Variants in LAMA2 observed in about 807,000 individuals in gnomAD.
LAMA2 encodes laminin subunit alpha-2.
LAMA2 carries 269 observed loss-of-function variants against 364.8 expected under a neutral mutation model. The ratio of observed to expected loss-of-function variants is 0.74; its 90% CI spans 0.67 to 0.82. The LOEUF (loss-of-function observed/expected upper bound fraction) is 0.82. Ranked by LOEUF, LAMA2 falls within the 40% of genes least tolerant of loss-of-function variation. The probability of loss-of-function intolerance (pLI) is 0.00; values close to 1 mark genes in which losing one functional copy is unlikely to be tolerated. For missense variants in LAMA2, 3,807 were observed against 3,873.2 expected (o/e 0.98, Z 0.45); for synonymous variants, 1,379 against 1,370.6 (o/e 1.01, Z -0.14).
chr6:129,303,668 C>G (rs1308555779), intron 22 of LAMA2, among the ~76,000 whole-genome samples: 3 of 152,102 alleles, frequency 2.0e-5, no homozygotes, highest in African/African-American at 7.2e-5. Flanking sequence ...ATTGAGATGA[C>G]CATATGATAT....
At chr6:129,107,222 T>C (rs867081416) in intron 4 of LAMA2, among the ~76,000 whole-genome samples, 24 of 152,312 alleles carry the variant, frequency 1.6e-4, no homozygotes, top group Middle Eastern at 3.4e-3. Context: ...CCATCTAATA[T>C]GTGCCCCAGC....
intron 22 of LAMA2, among the ~76,000 whole-genome samples, chr6:129,304,420 C>G (rs1210443349): frequency 6.6e-6 from 1 of 152,052 alleles, no homozygotes; most frequent in Non-Finnish European, 1.5e-5. Context: ...CCCGCCACTA[C>G]GCCCGGCTAA....
intron 64 of LAMA2, 39 bp downstream of exon 64, chr6:129,514,634 C>CT: frequency 6.8e-7 from 1 of 1,464,550 alleles, no homozygotes; most frequent in Non-Finnish European, 9.6e-7. Flanking sequence ...TCTTTGCTCT[C>CT]TTATGTTACT....
chr6:129,311,481 T>C (rs1035217887), intron 22 of LAMA2, among the ~76,000 whole-genome samples: 2 of 152,054 alleles, frequency 1.3e-5, no homozygotes, highest in Non-Finnish European at 2.9e-5. Context: ...ACTTATTGGG[T>C]CCTTCCAAGG....
intron 1 of LAMA2, among the ~76,000 whole-genome samples, chr6:128,942,739 G>T (rs549792523): frequency 2.0e-5 from 3 of 152,140 alleles, no homozygotes; most frequent in East Asian, 1.9e-4. Context: ...AATCACTTAC[G>T]TATTTAATCT....
chr6:129,166,132 A>C (rs1583169987), intron 9 of LAMA2, among the ~76,000 whole-genome samples: 1 of 152,314 alleles, frequency 6.6e-6, no homozygotes. Context: ...TATAGAAAGC[A>C]AGAAGTGTTC....
At chr6:128,950,424 G>C (rs1221808112) in intron 1 of LAMA2, among the ~76,000 whole-genome samples, 1 of 152,174 alleles carries the variant, frequency 6.6e-6, no homozygotes, top group Admixed American at 6.6e-5. Flanking sequence ...CAGCATGGAA[G>C]ATGGGTGAGG....
intron 17 of LAMA2, among the ~76,000 whole-genome samples, chr6:129,276,043 G>C (rs1275637398): frequency 6.6e-6 from 1 of 152,058 alleles, no homozygotes; most frequent in Non-Finnish European, 1.5e-5. Flanking sequence ...AACTGAAGAA[G>C]AAAATACTTA....
intron 5 of LAMA2, among the ~76,000 whole-genome samples, chr6:129,145,561 ATGTC>A (rs1562274701): frequency 1.3e-5 from 2 of 151,996 alleles, no homozygotes; most frequent in African/African-American, 4.8e-5. Flanking sequence ...TCTTGACAGT[ATGTC>A]TATCAGAGAA....
intron 1 of LAMA2, among the ~76,000 whole-genome samples, chr6:129,041,126 C>T (rs1317111867): frequency 6.6e-6 from 1 of 152,194 alleles, no homozygotes; most frequent in Non-Finnish European, 1.5e-5. Flanking sequence ...CTTCTTTGAA[C>T]TAAATTCTTC....
rs977579774 is a variant in LAMA2 at position 128,937,613 on chromosome 6, A to T, written c.112+54256A>T. ...ATAATTGTTCATAGCAGTCTCTATG[A>T]TCCTTTTTTATTTCTGTTGCAATGT... is the stretch of plus-strand genomic sequence containing the variant. On this transcript the variant is annotated intron_variant, in intron 1 of 64. Transcript: ENST00000421865. Among the ~76,000 whole-genome samples the T allele has an allele frequency of 3.3e-5, 5 of 151,852 alleles. No homozygotes were observed. In the South Asian group the frequency reaches 8.3e-4, roughly 25 times the overall value.
At chr6:128,955,977 A>G (rs988060158) in intron 1 of LAMA2, among the ~76,000 whole-genome samples, 1 of 151,988 alleles carries the variant, frequency 6.6e-6, no homozygotes, top group African/African-American at 2.4e-5. Flanking sequence ...AAATAAAGAC[A>G]GCTGATCAAA....
intron 1 of LAMA2, among the ~76,000 whole-genome samples, chr6:128,898,700 G>A (rs1165481720): frequency 6.6e-6 from 1 of 152,162 alleles, no homozygotes; most frequent in Non-Finnish European, 1.5e-5. Context: ...TAGTAAATCA[G>A]ATTAGATCTT....
chr6:129,255,405 CAAAAAAAAAAAAAAA>C (rs5879934), intron 14 of LAMA2, among the ~76,000 whole-genome samples: 58 of 33,834 alleles, frequency 1.7e-3, no homozygotes, highest in African/African-American at 5.3e-3. Context: ...GACTCTGTCT[CAAAAAAAAAAAAAAA>C]AAAAAAAAAA....
At chr6:129,042,016 T>C (rs201122556) in intron 1 of LAMA2, among the ~76,000 whole-genome samples, 1 of 88,518 alleles carries the variant, frequency 1.1e-5, no homozygotes, top group Non-Finnish European at 2.4e-5. Context: ...AAAAAAAAAA[T>C]AGTTAATGCC....
chr6:129,090,346 A>C (rs550913952), intron 3 of LAMA2, among the ~76,000 whole-genome samples: 1 of 152,172 alleles, frequency 6.6e-6, no homozygotes. Flanking sequence ...GTATCTCTGA[A>C]GGATAAGACT....
At chr6:129,025,835 C>A (rs530408355) in intron 1 of LAMA2, among the ~76,000 whole-genome samples, 1 of 152,208 alleles carries the variant, frequency 6.6e-6, no homozygotes, top group South Asian at 2.1e-4. Flanking sequence ...ATAGTGATTT[C>A]TTTTTGGTGG....
At chr6:128,963,107 G>A (rs373555975) in intron 1 of LAMA2, among the ~76,000 whole-genome samples, 2 of 152,170 alleles carry the variant, frequency 1.3e-5, no homozygotes, top group East Asian at 1.9e-4. Context: ...CTTCTGGTAC[G>A]GTTCTTTCAC....
chr6:129,042,342 A>G (rs1013485619), intron 1 of LAMA2, among the ~76,000 whole-genome samples: 8 of 152,266 alleles, frequency 5.3e-5, no homozygotes, highest in African/African-American at 1.9e-4. Context: ...TTAATTTAAC[A>G]TGTTTGAGTA....
Sources: gnomAD v4.1 joint callset for allele counts (sites outside exome capture counted in the v4.1 genomes callset) on GRCh38, gnomAD v4.1.1 for gene constraint, MANE v1.5 for transcripts, NCBI Gene and HGNC (gene_info 2026-07-23, HGNC 2026-07-21) for gene names.